The following ALDH3B1 variants were observed in gnomAD, a reference collection of about 807,000 sequenced individuals.
ALDH3B1 encodes the protein aldehyde dehydrogenase family 3 member B1.
ALDH3B1 carries 37 observed loss-of-function variants against 46.2 expected under a neutral mutation model. That is an observed-to-expected ratio of 0.80 (90% CI 0.62 to 1.05). ALDH3B1 has a LOEUF of 1.05. Among genes scored for constraint, ALDH3B1 ranks in the 50% least tolerant of loss-of-function variants. The pLI, the probability that ALDH3B1 is intolerant of heterozygous loss-of-function variation, is 0.00. For missense variants in ALDH3B1, 603 were observed against 665.5 expected (o/e 0.91, Z 1.03); for synonymous variants, 283 against 281.0 (o/e 1.01, Z -0.07).
At chr11:68,009,216 A>G (rs308335), upstream of ALDH3B1, among the ~76,000 whole-genome samples, 7,589 of 152,302 alleles carry the variant, frequency 0.05, 546 homozygotes, top group African/African-American at 0.16. Flanking sequence ...TTAGATCTGC[A>G]GAAAGACAGG....
chr11:68,015,076 G>A, intron 1 of ALDH3B1: 2 of 472,360 alleles, frequency 4.2e-6, no homozygotes, highest in Non-Finnish European at 7.4e-6. Context: ...GGGTCTTCAT[G>A]TGTGTCTGGG....
At chr11:68,017,026 CCT>C (rs1004396215) in intron 2 of ALDH3B1, 31 of 152,432 alleles carry the variant, frequency 2.0e-4, no homozygotes, top group African/African-American at 7.5e-4. Context: ...TCACGTGCAC[CCT>C]CTCAGTTAAC....
chr11:68,009,579 G>A (rs1857190457), upstream of ALDH3B1, among the ~76,000 whole-genome samples: 2 of 152,244 alleles, frequency 1.3e-5, no homozygotes, highest in African/African-American at 4.8e-5. Flanking sequence ...GATAAATCGA[G>A]CAAGCTCGGG....
chr11:68,021,357 G>A (rs1279548268), intron 6 of ALDH3B1, 128 bp from the exon 7 acceptor site: 20 of 1,400,084 alleles, frequency 1.4e-5, no homozygotes, highest in African/African-American at 2.9e-5. Context: ...GAGGAACAAG[G>A]AAAGGCCAGG....
intron 1 of ALDH3B1, among the ~76,000 whole-genome samples, chr11:68,014,455 G>C (rs1857297511): frequency 6.6e-6 from 1 of 152,248 alleles, no homozygotes; most frequent in South Asian, 2.1e-4. Flanking sequence ...GTGCGTCAGA[G>C]TGCTCCTCCG....
chr11:68,011,421 G>A (rs1487312139), intron 1 of ALDH3B1, among the ~76,000 whole-genome samples: 1 of 152,180 alleles, frequency 6.6e-6, no homozygotes, highest in African/African-American at 2.4e-5. Context: ...TGTGGTTTTG[G>A]GCTCTGTCTG....
At chr11:68,023,206 T>C (rs1244596514) in intron 8 of ALDH3B1, among the ~76,000 whole-genome samples, 1 of 151,520 alleles carries the variant, frequency 6.6e-6, no homozygotes, top group East Asian at 1.9e-4. Flanking sequence ...AAGGCCAGAG[T>C]CCTCAGATTA....
chr11:68,024,544 T>C (rs1254150041), intron 8 of ALDH3B1: 1 of 152,270 alleles, frequency 6.6e-6, no homozygotes, highest in Admixed American at 6.5e-5. Flanking sequence ...CTTTGTATGA[T>C]TGTTTTATAG....
At chr11:68,025,728 T>C (rs1857606360) in intron 8 of ALDH3B1, among the ~76,000 whole-genome samples, 1 of 152,036 alleles carries the variant, frequency 6.6e-6, no homozygotes, top group Non-Finnish European at 1.5e-5. Context: ...CAACACTAGG[T>C]TTCCTGCCCC....
At chr11:68,021,339 G>A (rs2134393307) in intron 6 of ALDH3B1, 146 bp from the exon 7 acceptor site, 3 of 1,210,884 alleles carry the variant, frequency 2.5e-6, no homozygotes, top group Non-Finnish European at 2.3e-6. Context: ...GGGCTGCAGG[G>A]TGGCAGTGAG....
chr11:68,013,744 G>A (rs912229407), intron 1 of ALDH3B1, among the ~76,000 whole-genome samples: 2 of 152,242 alleles, frequency 1.3e-5, no homozygotes, highest in Non-Finnish European at 2.9e-5. Flanking sequence ...GCAGAGCCCG[G>A]AGACAGGCCT....
chr11:68,011,694 T>G (rs780193114), intron 1 of ALDH3B1, among the ~76,000 whole-genome samples: 3 of 152,170 alleles, frequency 2.0e-5, no homozygotes, highest in Non-Finnish European at 4.4e-5. Context: ...CCCACCATGT[T>G]CAGTCCCTCT....
In ALDH3B1 at chr11:68,019,220, A is replaced by T; in HGVS notation, c.445A>T (p.Ile149Phe). The T allele has an allele frequency of 6.2e-7, 1 of 1,613,498 alleles. No homozygotes were observed. The highest frequency in any genetic ancestry group is 1.6e-4 in the Middle Eastern group (1 of 6,062). ...GGAGATTAGCAAGAACGTCGAGAAG[A>T]TCCTGGCCGAGGTGCTGCCCCAATA... Reference protein sequence around the residue: ...PSEISKNVEKILAEVLPQYVD... With the variant: ...PSEISKNVEKFLAEVLPQYVD... The change falls in exon 5 of 10, where the codon ATC becomes TTC. Residue 149 changes from isoleucine (I) to phenylalanine (F), a missense_variant. Physicochemically the swap from Ile to Phe is conservative, Grantham distance 21. Coordinates refer to ENST00000342456, the MANE Select transcript of ALDH3B1 (RefSeq NM_000694.4).
At position 68,028,447 on chromosome 11, in the gene ALDH3B1, C is replaced by T; in HGVS notation, c.*508C>T. The T allele has an allele frequency of 4.0e-6, 1 of 248,020 alleles. No homozygotes were observed. The highest frequency in any genetic ancestry group is 4.4e-5 in the South Asian group (1 of 22,616). The allele number at this position is 248,020 out of a possible 1,614,324, so 15.4% of individuals were successfully genotyped here. A position where few individuals can be genotyped will look rare whatever the true frequency, so the allele number is the denominator to read the frequency against. On this transcript the variant is annotated 3_prime_UTR_variant, in exon 10 of 10. Coordinates refer to ENST00000342456, the MANE Select transcript of ALDH3B1 (RefSeq NM_000694.4). ...ATCCCAGCACTTTGGGAGGCCGAGG[C>T]AGGCGGATCACCTGAAATCAGGAGT...
rs770077903 is a variant in ALDH3B1, at chr11:68,021,738, T to C, written c.816T>C (p.Tyr272=). Residue 272 remains tyrosine, a synonymous_variant, in exon 7 of 10, where the codon TAT becomes TAC. Coordinates refer to ENST00000342456, the MANE Select transcript of ALDH3B1 (RefSeq NM_000694.4). ...PALQSTITRF[Y]GDDPQSSPNL... is the part of the protein sequence containing the mutation. ...TGCAGAGCACCATCACCCGTTTCTA[T>C]GGCGACGACCCCCAGAGCTCCCCAA... 3.6e-5 allele frequency: 58 copies of C among 1,614,008 alleles called. No homozygotes were observed. The South Asian group carries it at 4.9e-4, about 14-fold the overall frequency.
Position 68,028,686 on chromosome 11 carries a change from A to AG in ALDH3B1, c.*747_*748insG, listed in dbSNP as rs1426942472. On this transcript the variant is annotated 3_prime_UTR_variant, in exon 10 of 10. Transcript: ENST00000342456. Reference sequence around the variant, plus strand: ...AAGGAGGCTCTGCCTTAAAAAAAAAAAAAAAAAAAACCTCCTGGGACTGTT... The same window carrying AG: ...AAGGAGGCTCTGCCTTAAAAAAAAAAGAAAAAAAAAACCTCCTGGGACTGTT... 6.6e-6 allele frequency: 1 copy of AG among 152,200 alleles called. No homozygotes were observed. The highest frequency in any genetic ancestry group is 2.4e-5 in the African/African-American group (1 of 41,320). The allele number at this position is 152,200 out of a possible 1,614,324, so 9.4% of individuals were successfully genotyped here. A position where few individuals can be genotyped will look rare whatever the true frequency, so the allele number is the denominator to read the frequency against.
chr11:68,010,856 A>G (rs3764821), intron 1 of ALDH3B1, among the ~76,000 whole-genome samples: 32,446 of 152,188 alleles, frequency 0.21, 3,562 homozygotes, highest in African/African-American at 0.24. Flanking sequence ...TCTGGGAAAG[A>G]ATCATTCTTA....
upstream of ALDH3B1, among the ~76,000 whole-genome samples, chr11:68,009,398 G>A (rs1349296953): frequency 6.6e-6 from 1 of 152,202 alleles, no homozygotes; most frequent in Admixed American, 6.5e-5. Flanking sequence ...TGGGTAGGGT[G>A]TAGCAAGACA....
In ALDH3B1 at chr11:68,015,588, C is replaced by T. The variant is rs1456709796; in HGVS notation, c.162+129C>T. 7.6e-6 allele frequency: 9 copies of T among 1,179,816 alleles called. No individual in the cohort carries two copies. The East Asian group carries it at 2.0e-4, about 27-fold the overall frequency. The allele number at this position is 1,179,816 out of a possible 1,614,324, so 73.1% of individuals were successfully genotyped here. A position where few individuals can be genotyped will look rare whatever the true frequency, so the allele number is the denominator to read the frequency against. On this transcript the variant is annotated intron_variant, in intron 2 of 9. Transcript: ENST00000342456. ...GGCTAAAAGCAGCTCCTCCCCTAGG[C>T]CAGAGCCACCCTTGCACATTCATCC...
Sources: gnomAD v4.1 joint callset for allele counts (sites outside exome capture counted in the v4.1 genomes callset) on GRCh38, gnomAD v4.1.1 for gene constraint, MANE v1.5 for transcripts, NCBI Gene and HGNC (gene_info 2026-07-23, HGNC 2026-07-21) for gene names.